The following ANO4 variants were observed in gnomAD, a reference collection of about 807,000 sequenced individuals.
ANO4 encodes anoctamin 4.
Under a neutral mutation model 141.9 loss-of-function variants are expected in ANO4, and 69 were observed. The observed-to-expected ratio is 0.49, with a 90% CI of 0.40 to 0.59. The LOEUF (loss-of-function observed/expected upper bound fraction) is 0.59. Among genes scored for constraint, ANO4 ranks in the 20% least tolerant of loss-of-function variants. ANO4 has a pLI of 0.00. For synonymous variants in ANO4, 350 were observed against 394.3 expected, an observed-to-expected ratio of 0.89 and a Z score of 1.33; for missense variants, 894 against 1,162.2, an observed-to-expected ratio of 0.77 and a Z score of 3.36.
intron 1 of ANO4, among the ~76,000 whole-genome samples, chr12:100,865,128 A>G (rs1010366739): frequency 3.9e-5 from 6 of 152,162 alleles, no homozygotes; most frequent in Admixed American, 1.3e-4. Flanking sequence ...ATGATTTATA[A>G]TCCTTTAGGT....
chr12:101,116,763 C>T lies in ANO4; in HGVS notation c.2535C>T (p.Gly845=), dbSNP rs1317066701. 6.2e-7 allele frequency: 1 copy of T among 1,614,090 alleles called. No individual in the cohort carries two copies. The highest frequency in any genetic ancestry group is 8.5e-7 in the Non-Finnish European group (1 of 1,179,994). ...ACCGATCTGAGCCTGAATCTGATGGCAGTGAGTTCTCGGGGACTCCTCTTA... is the reference window on the plus strand; with the variant it reads ...ACCGATCTGAGCCTGAATCTGATGGTAGTGAGTTCTCGGGGACTCCTCTTA... ...FENRSEPESD[G]SEFSGTPLKY... Residue 845 remains glycine (G), a synonymous_variant, in exon 25 of 28, where the codon GGC becomes GGT. Transcript: ENST00000392977.
chr12:100,753,601 G>C (rs2032480448), intron 3 of ANO4, among the ~76,000 whole-genome samples: 1 of 152,076 alleles, frequency 6.6e-6, no homozygotes, highest in Non-Finnish European at 1.5e-5. Context: ...ATGTGCCTGG[G>C]CCTACCTGCA....
intron 18 of ANO4, 80 bp downstream of exon 18, chr12:101,094,372 G>T: frequency 8.5e-7 from 1 of 1,170,050 alleles, no homozygotes; most frequent in Non-Finnish European, 1.2e-6. Context: ...CTCTAATACT[G>T]CTGGAAAGAA....
chr12:100,764,941 C>G (rs1331663511), intron 3 of ANO4, among the ~76,000 whole-genome samples: 2 of 152,130 alleles, frequency 1.3e-5, no homozygotes. Flanking sequence ...GTAGTGTCCT[C>G]ATCTGGCTTT....
At chr12:101,076,922 C>T (rs528147722) in intron 14 of ANO4, among the ~76,000 whole-genome samples, 1 of 152,254 alleles carries the variant, frequency 6.6e-6, no homozygotes, top group East Asian at 1.9e-4. Flanking sequence ...AGAGGGCAAG[C>T]GTGCAGCAAA....
chr12:100,811,470 T>TC (rs965741032), intron 1 of ANO4, among the ~76,000 whole-genome samples: 68 of 152,312 alleles, frequency 4.5e-4, no homozygotes, highest in African/African-American at 1.5e-3. Flanking sequence ...TTTTTATGGC[T>TC]CCCAGCCAGG....
At chr12:100,838,537 T>C (rs1427169671) in intron 1 of ANO4, among the ~76,000 whole-genome samples, 2 of 152,060 alleles carry the variant, frequency 1.3e-5, no homozygotes, top group Admixed American at 6.6e-5. Context: ...TACAGCTGAA[T>C]AGGTGGAGGA....
At chr12:100,883,462 G>T (rs1017927459) in intron 1 of ANO4, among the ~76,000 whole-genome samples, 3 of 152,258 alleles carry the variant, frequency 2.0e-5, no homozygotes, top group African/African-American at 7.2e-5. Flanking sequence ...AGATGGCCCA[G>T]AAGCCATTGC....
At chr12:100,779,352 T>C (rs1452497476) in intron 3 of ANO4, among the ~76,000 whole-genome samples, 1 of 152,256 alleles carries the variant, frequency 6.6e-6, no homozygotes, top group Non-Finnish European at 1.5e-5. Context: ...TGGTTCATAC[T>C]GGGCATTCAG....
intron 24 of ANO4, 54 bp from the exon 25 acceptor site, chr12:101,116,625 G>A (rs1232615025): frequency 6.2e-7 from 1 of 1,613,254 alleles, no homozygotes; most frequent in Non-Finnish European, 8.5e-7. Flanking sequence ...TCAGGGAACT[G>A]GATACAGAGA....
chr12:100,814,905 C>T (rs142938026), intron 1 of ANO4, among the ~76,000 whole-genome samples: 77 of 152,132 alleles, frequency 5.1e-4, no homozygotes, highest in Admixed American at 3.4e-3. Context: ...TGAGAGCTGC[C>T]GCTAAGAACA....
At chr12:100,817,350 C>T (rs1307233105) in intron 1 of ANO4, among the ~76,000 whole-genome samples, 1 of 151,652 alleles carries the variant, frequency 6.6e-6, no homozygotes, top group Non-Finnish European at 1.5e-5. Flanking sequence ...GTAATCCCTG[C>T]CTAGGCTTAG....
intron 22 of ANO4, 86 bp downstream of exon 22, chr12:101,099,806 A>G: frequency 8.3e-7 from 1 of 1,200,444 alleles, no homozygotes. Flanking sequence ...GTTATCATCA[A>G]GGTCCTCAGT....
At chr12:100,807,484 AC>A (rs2035131787) in intron 1 of ANO4, among the ~76,000 whole-genome samples, 1 of 152,100 alleles carries the variant, frequency 6.6e-6, no homozygotes, top group Non-Finnish European at 1.5e-5. Context: ...TTCTGAATAA[AC>A]TTTAGAAATT....
intron 1 of ANO4, among the ~76,000 whole-genome samples, chr12:100,798,601 A>G (rs2034488486): frequency 6.6e-6 from 1 of 152,220 alleles, no homozygotes; most frequent in Non-Finnish European, 1.5e-5. Flanking sequence ...TGTCCTCAGT[A>G]GCATAATAAT....
intron 1 of ANO4, among the ~76,000 whole-genome samples, chr12:100,869,103 A>G (rs2038905185): frequency 6.6e-6 from 1 of 152,152 alleles, no homozygotes; most frequent in Non-Finnish European, 1.5e-5. Flanking sequence ...ACTCCCTGGT[A>G]CTCAACCTGA....
intron 14 of ANO4, among the ~76,000 whole-genome samples, chr12:101,063,744 T>A: frequency 1.1e-5 from 1 of 89,248 alleles, no homozygotes; most frequent in Non-Finnish European, 2.2e-5. Flanking sequence ...GTCCAGGTTA[T>A]CTTTTTTTTT....
chr12:101,023,550 T>C (rs1332271401), intron 9 of ANO4, among the ~76,000 whole-genome samples: 2 of 152,168 alleles, frequency 1.3e-5, no homozygotes, highest in African/African-American at 4.8e-5. Flanking sequence ...TCAGTACCTA[T>C]AGTCCCAGCC....
chr12:101,096,776 C>T (rs1052824779), intron 19 of ANO4, 129 bp downstream of exon 19: 12 of 676,920 alleles, frequency 1.8e-5, no homozygotes, highest in African/African-American at 1.6e-4. Flanking sequence ...AGAGCATCCT[C>T]CTCCCTTCTC....
Sources: gnomAD v4.1 joint callset for allele counts (sites outside exome capture counted in the v4.1 genomes callset) on GRCh38, gnomAD v4.1.1 for gene constraint, MANE v1.5 for transcripts, NCBI Gene and HGNC (gene_info 2026-07-23, HGNC 2026-07-21) for gene names.